Variants in RNF122 observed in about 807,000 individuals in gnomAD.
The protein encoded by RNF122 is ring finger protein 122.
Under a neutral mutation model 24.2 loss-of-function variants are expected in RNF122, and 17 were observed. That is an observed-to-expected ratio of 0.70 (90% CI 0.48 to 1.06). The LOEUF (loss-of-function observed/expected upper bound fraction) is 1.06, where lower values mean the gene tolerates loss of function less well. RNF122 is among the 50% of genes least tolerant of loss of function. The pLI is 0.00. For missense variants in RNF122, 168 were observed against 198.1 expected (o/e 0.85, Z 0.91); for synonymous variants, 65 against 71.8 (o/e 0.91, Z 0.48).
At position 33,549,480 on chromosome 8, in the gene RNF122, C is replaced by T. The variant is rs1055023182; in HGVS notation, c.283G>A (p.Val95Ile). The T allele has an allele frequency of 4.3e-6, 7 of 1,613,968 alleles. No individual in the cohort carries two copies. Among genetic ancestry groups the T allele is most frequent in the Admixed American group, 1.7e-5 (1 of 60,016 alleles). Residue 95 changes from valine (V) to isoleucine (I), a missense_variant, in exon 5 of 6, where the codon GTC becomes ATC. Coordinates refer to ENST00000256257, the MANE Select transcript of RNF122 (RefSeq NM_024787.3). ...TTCCCCTTGAAGTCTTCCAGACAGA[C>T]TGCGCAGGTCTGCTGCAGAGAGAAA... ...KLQLYGQTCA[V>I]CLEDFKGKDE...
chr8:33,550,212 C>T (rs1280898628), intron 4 of RNF122, among the ~76,000 whole-genome samples: 3 of 152,298 alleles, frequency 2.0e-5, no homozygotes, highest in South Asian at 4.1e-4. Flanking sequence ...GGATTACAGG[C>T]ATGAGCCACC....
At chr8:33,563,117 GA>G (rs59074437) in intron 1 of RNF122, among the ~76,000 whole-genome samples, 136 of 135,254 alleles carry the variant, frequency 1.0e-3, no homozygotes, top group African/African-American at 2.3e-3. Context: ...AAGAAAAAAA[GA>G]AAAAAAAAAA....
chr8:33,566,067 G>T (rs1332466014), intron 1 of RNF122, among the ~76,000 whole-genome samples: 1 of 152,118 alleles, frequency 6.6e-6, no homozygotes, highest in Non-Finnish European at 1.5e-5. Flanking sequence ...TGGTTAGGCT[G>T]GTCTCGAACT....
chr8:33,550,348 A>C (rs1196847507), intron 4 of RNF122, among the ~76,000 whole-genome samples: 2 of 152,220 alleles, frequency 1.3e-5, no homozygotes, highest in Non-Finnish European at 2.9e-5. Flanking sequence ...GCAGAGGTGT[A>C]ATAGACAAAA....
chr8:33,563,195 C>G lies in RNF122; in HGVS notation c.25+3504G>C, dbSNP rs1199331650. On this transcript the variant is annotated intron_variant, in intron 1 of 5. Transcript: ENST00000256257. ...TTTTGTATATTCTCCAGTGTCCGGCCTAGCCTAGAGTTTGGCTTGTTCTCA... is the reference window on the plus strand; with the variant it reads ...TTTTGTATATTCTCCAGTGTCCGGCGTAGCCTAGAGTTTGGCTTGTTCTCA... Among the ~76,000 whole-genome samples, 3 of 152,050 alleles carry G rather than the reference C, an allele frequency of 2.0e-5. No individual in the cohort carries two copies. The East Asian group carries it at 5.8e-4, about 29-fold the overall frequency.
chr8:33,556,351 C>T (rs775906230), intron 2 of RNF122, among the ~76,000 whole-genome samples: 5 of 152,050 alleles, frequency 3.3e-5, no homozygotes, highest in East Asian at 1.9e-4. Flanking sequence ...TGGACTCAAG[C>T]GACTCTCCTG....
rs35370120 is a variant in RNF122, at chr8:33,547,980, C to CAAAAAAAAAAAA, written c.*761_*772dup. 2.6e-5 allele frequency: 1 copy of CAAAAAAAAAAAA among 37,846 alleles called. No homozygotes were observed. The highest frequency in any genetic ancestry group is 1.1e-4 in the African/African-American group (1 of 9,232). 2.3% of individuals were successfully genotyped at this position (37,846 alleles called of 1,614,324 possible). ...CCCCCATCCCCACACCCCTTTTGAT[C>CAAAAAAAAAAAA]AAAAAAAAAAAAAAAAAAAAAAAAA... is the stretch of plus-strand genomic sequence containing the variant. On this transcript the variant is annotated 3_prime_UTR_variant, in exon 6 of 6. Transcript: ENST00000256257.
chr8:33,557,450 CA>C (rs1810472430), intron 2 of RNF122, among the ~76,000 whole-genome samples: 1 of 151,688 alleles, frequency 6.6e-6, no homozygotes. Flanking sequence ...GCCAATGTGG[CA>C]AAACCCCGTC....
intron 1 of RNF122, among the ~76,000 whole-genome samples, chr8:33,559,020 C>T (rs1191658909): frequency 6.6e-6 from 1 of 152,056 alleles, no homozygotes; most frequent in East Asian, 1.9e-4. Context: ...TAAATTCAGG[C>T]AAGCTGGGTG....
At chr8:33,555,715 G>C (rs1157717432) in intron 2 of RNF122, among the ~76,000 whole-genome samples, 1 of 152,180 alleles carries the variant, frequency 6.6e-6, no homozygotes, top group African/African-American at 2.4e-5. Flanking sequence ...GTCCACCTCT[G>C]TATCTTCCTC....
chr8:33,552,322 C>A (rs1457036423), intron 2 of RNF122, among the ~76,000 whole-genome samples: 1 of 151,988 alleles, frequency 6.6e-6, no homozygotes, highest in South Asian at 2.1e-4. Context: ...TCGATTGAAC[C>A]CAGGAGACGG....
intron 2 of RNF122, among the ~76,000 whole-genome samples, chr8:33,556,032 A>G (rs1306132787): frequency 6.6e-6 from 1 of 151,930 alleles, no homozygotes; most frequent in Non-Finnish European, 1.5e-5. Context: ...TCCACAAAAA[A>G]TTAAAAAATT....
intron 2 of RNF122, among the ~76,000 whole-genome samples, chr8:33,556,344 A>T: frequency 6.6e-6 from 1 of 152,000 alleles, no homozygotes; most frequent in South Asian, 2.1e-4. Flanking sequence ...AAACTCTTGG[A>T]CTCAAGCGAC....
intron 2 of RNF122, among the ~76,000 whole-genome samples, chr8:33,554,621 A>G (rs1449714901): frequency 6.6e-6 from 1 of 152,194 alleles, no homozygotes; most frequent in Non-Finnish European, 1.5e-5. Flanking sequence ...CCAGCTGGGG[A>G]CCTAGTACCA....
chr8:33,566,472 C>T (rs925456798), intron 1 of RNF122, among the ~76,000 whole-genome samples: 2 of 152,302 alleles, frequency 1.3e-5, no homozygotes, highest in Admixed American at 6.5e-5. Context: ...GCCCCCGGCC[C>T]GCCGCCAGTC....
chr8:33,564,524 G>A (rs1810592150), intron 1 of RNF122, among the ~76,000 whole-genome samples: 1 of 152,050 alleles, frequency 6.6e-6, no homozygotes, highest in South Asian at 2.1e-4. Context: ...AGTGAGCCCT[G>A]ATCGTGCCAC....
chr8:33,566,892 G>C lies in RNF122; in HGVS notation c.-169C>G. ...CCTCCGGAGTGGGGGGCTTTGACGA[G>C]GCTGGTGTTCAGCCCAACAAAGAGG... On this transcript the variant is annotated 5_prime_UTR_variant, in exon 1 of 6. Coordinates refer to ENST00000256257, the MANE Select transcript of RNF122 (RefSeq NM_024787.3). The C allele has an allele frequency of 9.8e-6, 7 of 713,542 alleles. No homozygotes were observed. The South Asian group carries it at 1.0e-4, about 10-fold the overall frequency. The allele number at this position is 713,542 out of a possible 1,614,324, so 44.2% of individuals were successfully genotyped here. A position where few individuals can be genotyped will look rare whatever the true frequency, so the allele number is the denominator to read the frequency against.
Position 33,566,825 on chromosome 8 carries a change from G to T in RNF122, c.-102C>A, listed in dbSNP as rs1479297406. The T allele has an allele frequency of 7.4e-6, 10 of 1,347,142 alleles. No homozygotes were observed. The highest frequency in any genetic ancestry group is 1.0e-5 in the Non-Finnish European group (10 of 963,302). 83.4% of individuals were successfully genotyped at this position (1,347,142 alleles called of 1,614,324 possible). A position where few individuals can be genotyped will look rare whatever the true frequency, so the allele number is the denominator to read the frequency against. On this transcript the variant is annotated 5_prime_UTR_variant, in exon 1 of 6. Transcript: ENST00000256257. ...GGCGTGAGGGGCCGCAGGCGGGGTC[G>T]GGGCAGCGCGCTGCAGCCGCCCTGC... is the stretch of plus-strand genomic sequence containing the variant.
intron 4 of RNF122, among the ~76,000 whole-genome samples, chr8:33,549,882 C>T (rs9297205): frequency 0.49 from 74,930 of 151,504 alleles, 19,002 homozygotes; most frequent in Non-Finnish European, 0.56. Context: ...GGTGATGTGG[C>T]ACTTAATACC....
Sources: gnomAD v4.1 joint callset for allele counts (sites outside exome capture counted in the v4.1 genomes callset) on GRCh38, gnomAD v4.1.1 for gene constraint, MANE v1.5 for transcripts, NCBI Gene and HGNC (gene_info 2026-07-23, HGNC 2026-07-21) for gene names.